The following PAWR variants were observed in gnomAD, a reference collection of about 807,000 sequenced individuals.
PAWR encodes PRKC apoptosis WT1 regulator protein.
In PAWR, 23 loss-of-function variants were observed where a neutral mutation model predicts 32.0. That is an observed-to-expected ratio of 0.72 (90% CI 0.52 to 1.02). PAWR has a LOEUF of 1.02. Among genes scored for constraint, PAWR ranks in the 50% least tolerant of loss-of-function variants. The probability of loss-of-function intolerance (pLI) is 0.00; values close to 1 mark genes in which losing one functional copy is unlikely to be tolerated. For missense variants in PAWR, 457 were observed against 437.7 expected (o/e 1.04, Z -0.39); for synonymous variants, 226 against 187.1 (o/e 1.21, Z -1.70).
chr12:79,649,749 C>G, intron 2 of PAWR, among the ~76,000 whole-genome samples: 1 of 152,000 alleles, frequency 6.6e-6, no homozygotes, highest in East Asian at 1.9e-4. Context: ...ATGATTGCGC[C>G]AAGGGACTCC....
intron 6 of PAWR, among the ~76,000 whole-genome samples, chr12:79,593,047 A>C (rs998934785): frequency 6.6e-5 from 10 of 152,182 alleles, no homozygotes; most frequent in African/African-American, 2.2e-4. Context: ...GCAAAAAAAA[A>C]AACTACCCAT....
chr12:79,671,670 T>G (rs375197291), intron 2 of PAWR, among the ~76,000 whole-genome samples: 18 of 151,824 alleles, frequency 1.2e-4, no homozygotes, highest in Middle Eastern at 3.4e-3. Flanking sequence ...CATTTAACTT[T>G]TTATGATAAT....
In PAWR at chr12:79,591,519, A is replaced by G. The variant is rs1873555393; in HGVS notation, c.*1088T>C. 1 of 152,148 alleles carries G rather than the reference A, an allele frequency of 6.6e-6. No individual in the cohort carries two copies. The allele number at this position is 152,148 out of a possible 1,614,324, so 9.4% of individuals were successfully genotyped here. On this transcript the variant is annotated 3_prime_UTR_variant, in exon 7 of 7. Coordinates refer to ENST00000328827, the MANE Select transcript of PAWR (RefSeq NM_002583.4). ...AATACAAAAACAATTCTAAATAATA[A>G]TATTTAATAGAAGAAAAAATCTGTA...
intron 2 of PAWR, among the ~76,000 whole-genome samples, chr12:79,633,956 G>A (rs137951026): frequency 5.3e-5 from 8 of 152,162 alleles, no homozygotes; most frequent in African/African-American, 1.2e-4. Context: ...GAGGTAAGAC[G>A]GGCAGTGTGC....
At chr12:79,618,223 G>A (rs979122764) in intron 3 of PAWR, among the ~76,000 whole-genome samples, 3 of 152,036 alleles carry the variant, frequency 2.0e-5, no homozygotes, top group Admixed American at 2.0e-4. Flanking sequence ...CCGCCTCCAA[G>A]GTTCAAGTAA....
chr12:79,608,049 CAA>C (rs202174917), intron 4 of PAWR, among the ~76,000 whole-genome samples: 19 of 75,812 alleles, frequency 2.5e-4, no homozygotes, highest in Admixed American at 4.4e-4. Flanking sequence ...AACTCGGACT[CAA>C]AAAAAAAAAA....
rs569406100 is a variant in PAWR at position 79,589,950 on chromosome 12, C to T, written c.*2657G>A. 5 of 152,138 alleles carry T rather than the reference C, an allele frequency of 3.3e-5. No homozygotes were observed. The highest frequency in any genetic ancestry group is 2.0e-4 in the Admixed American group (3 of 15,274). The allele number at this position is 152,138 out of a possible 1,614,324, so 9.4% of individuals were successfully genotyped here. ...TACTTAAAAACTACCTTCTACCAATCTCAACACTTTTTATAAATTTTCAGG... is the reference window on the plus strand; with the variant it reads ...TACTTAAAAACTACCTTCTACCAATTTCAACACTTTTTATAAATTTTCAGG... On this transcript the variant is annotated 3_prime_UTR_variant, in exon 7 of 7. Coordinates refer to ENST00000328827, the MANE Select transcript of PAWR (RefSeq NM_002583.4).
intron 2 of PAWR, among the ~76,000 whole-genome samples, chr12:79,658,850 G>A (rs557567582): frequency 1.3e-5 from 2 of 151,796 alleles, no homozygotes; most frequent in African/African-American, 4.8e-5. Context: ...TAGTAGTGAT[G>A]GGATTTCACC....
At chr12:79,648,805 T>A (rs7135761) in intron 2 of PAWR, among the ~76,000 whole-genome samples, 31,241 of 147,186 alleles carry the variant, frequency 0.21, 9,101 homozygotes, top group African/African-American at 0.68. Context: ...AAAAAAAAAA[T>A]AAAAAAACCC....
At chr12:79,640,935 A>C (rs1876294526) in intron 2 of PAWR, among the ~76,000 whole-genome samples, 1 of 152,148 alleles carries the variant, frequency 6.6e-6, no homozygotes, top group Admixed American at 6.5e-5. Flanking sequence ...GAGAGTTTGA[A>C]GTTAAGGGAA....
intron 2 of PAWR, among the ~76,000 whole-genome samples, chr12:79,673,055 T>A (rs949355313): frequency 6.6e-6 from 1 of 152,120 alleles, no homozygotes; most frequent in Non-Finnish European, 1.5e-5. Flanking sequence ...CAACCATTAT[T>A]AAGTGAGTCA....
intron 2 of PAWR, among the ~76,000 whole-genome samples, chr12:79,657,781 G>A (rs1474402960): frequency 2.6e-5 from 4 of 150,982 alleles, no homozygotes; most frequent in South Asian, 2.1e-4. Context: ...GCCACAGAGC[G>A]AGACTCCGTC....
chr12:79,611,156 T>TTATATAAATCTTATAGATATTTA (rs1230240689), intron 4 of PAWR, among the ~76,000 whole-genome samples: 4 of 146,850 alleles, frequency 2.7e-5, no homozygotes, highest in Non-Finnish European at 4.5e-5. Context: ...ATATATATAT[T>TTATATAAATCTTATAGATATTTA]TATATAAATC....
chr12:79,644,241 G>A (rs1876467664), intron 2 of PAWR, among the ~76,000 whole-genome samples: 1 of 152,120 alleles, frequency 6.6e-6, no homozygotes, highest in Non-Finnish European at 1.5e-5. Flanking sequence ...TTATAAGAAA[G>A]ACAGAAAACA....
chr12:79,682,653 C>T (rs908878407), intron 2 of PAWR, among the ~76,000 whole-genome samples: 2 of 152,148 alleles, frequency 1.3e-5, no homozygotes, highest in South Asian at 2.1e-4. Context: ...TTTAAATATT[C>T]CTACAATGTC....
chr12:79,689,557 A>C (rs2136904411), intron 2 of PAWR, among the ~76,000 whole-genome samples, 172 bp downstream of exon 2: 1 of 152,244 alleles, frequency 6.6e-6, no homozygotes, highest in African/African-American at 2.4e-5. Context: ...ACTTCCCAGG[A>C]AGCATTTGTT....
At position 79,596,614 on chromosome 12, in the gene PAWR, C is replaced by T. The variant is rs768593781; in HGVS notation, c.728G>A (p.Arg243Gln). The T allele has an allele frequency of 1.5e-5, 24 of 1,600,144 alleles. No individual in the cohort carries two copies. In the South Asian group the frequency reaches 1.8e-4, roughly 12 times the overall value. Residue 243 changes from arginine (R) to glutamine (Q), a missense_variant, in exon 5 of 7, where the codon CGA (arginine) becomes CAA (glutamine). Coordinates refer to ENST00000328827, the MANE Select transcript of PAWR (RefSeq NM_002583.4). Reference protein sequence around the residue: ...SEEDVSSRYSRTDRSGFPRYN... With the variant: ...SEEDVSSRYSQTDRSGFPRYN... Reference sequence around the variant, plus strand: ...TCTAGGGAACCCACTTCTATCTGTTCGAGAATATCTACTTGAGACATCTTC... The same window carrying T: ...TCTAGGGAACCCACTTCTATCTGTTTGAGAATATCTACTTGAGACATCTTC...
intron 4 of PAWR, among the ~76,000 whole-genome samples, chr12:79,610,468 A>G (rs775622376): frequency 5.9e-5 from 9 of 152,208 alleles, no homozygotes; most frequent in Non-Finnish European, 1.3e-4. Flanking sequence ...TTATTCAAAT[A>G]AAGTAGACAG....
chr12:79,664,780 A>C, intron 2 of PAWR, among the ~76,000 whole-genome samples: 1 of 151,342 alleles, frequency 6.6e-6, no homozygotes, highest in South Asian at 2.1e-4. Flanking sequence ...GATATGCGTC[A>C]TCATGTCTGG....
Sources: allele counts gnomAD v4.1 joint callset (sites outside exome capture counted in the v4.1 genomes callset), GRCh38; gene constraint gnomAD v4.1.1; transcripts MANE v1.5; gene names NCBI Gene and HGNC (gene_info 2026-07-23, HGNC 2026-07-21).